NTN1: variants seen among roughly 807,000 people sequenced by gnomAD.
NTN1 encodes the protein netrin-1.
In NTN1, 11 loss-of-function variants were observed where a neutral mutation model predicts 54.2. That is an observed-to-expected ratio of 0.20 (90% CI 0.13 to 0.34). The LOEUF (loss-of-function observed/expected upper bound fraction) is 0.34. NTN1 is among the 10% of genes least tolerant of loss of function. The pLI is 1.00. For synonymous variants in NTN1, 371 were observed against 382.0 expected (o/e 0.97, Z 0.33); for missense variants, 740 against 893.1 (o/e 0.83, Z 2.18).
chr17:9,184,708 T>C (rs1331101463), intron 5 of NTN1, among the ~76,000 whole-genome samples: 2 of 152,246 alleles, frequency 1.3e-5, no homozygotes, highest in Non-Finnish European at 2.9e-5. Flanking sequence ...AGCTTGACTT[T>C]GAGTTTCTCA....
intron 2 of NTN1, among the ~76,000 whole-genome samples, chr17:9,092,319 C>CTTTTTT (rs148786553): frequency 2.8e-4 from 26 of 91,752 alleles, no homozygotes; most frequent in African/African-American, 4.4e-4. Context: ...CTTTTCTTCT[C>CTTTTTT]TTTTTTTTTT....
At chr17:9,137,003 G>A (rs953088828) in intron 2 of NTN1, among the ~76,000 whole-genome samples, 2 of 152,172 alleles carry the variant, frequency 1.3e-5, no homozygotes, top group African/African-American at 4.8e-5. Flanking sequence ...CCTCTCTCAG[G>A]ATTCCTGGTG....
chr17:9,199,771 G>T (rs1170944559), intron 5 of NTN1, among the ~76,000 whole-genome samples: 1 of 152,234 alleles, frequency 6.6e-6, no homozygotes, highest in East Asian at 1.9e-4. Context: ...ATGGAGTAGT[G>T]TTTGGTAACA....
At chr17:9,056,767 G>A (rs910006639) in intron 2 of NTN1, among the ~76,000 whole-genome samples, 2 of 152,298 alleles carry the variant, frequency 1.3e-5, no homozygotes, top group African/African-American at 2.4e-5. Flanking sequence ...AGTGATGTGA[G>A]CACTTAACCC....
chr17:9,111,764 C>T (rs774016578), intron 2 of NTN1, among the ~76,000 whole-genome samples: 4 of 152,020 alleles, frequency 2.6e-5, no homozygotes, highest in Admixed American at 6.6e-5. Flanking sequence ...TTGGGAAAAT[C>T]GTAAAGAAAA....
At chr17:9,010,123 TG>T in the NTN1 span, among the ~76,000 whole-genome samples, 2 of 152,202 alleles carry the variant, frequency 1.3e-5, no homozygotes, top group African/African-American at 4.8e-5. Flanking sequence ...AGTGCATCCA[TG>T]TTCAGCAGTC....
At chr17:9,222,341 A>C (rs1173412964) in intron 6 of NTN1, among the ~76,000 whole-genome samples, 1 of 152,024 alleles carries the variant, frequency 6.6e-6, no homozygotes, top group Non-Finnish European at 1.5e-5. Flanking sequence ...CAGCCCCAGC[A>C]CCTCCTGGCC....
At chr17:9,065,176 A>T (rs1372333092) in intron 2 of NTN1, among the ~76,000 whole-genome samples, 1 of 152,156 alleles carries the variant, frequency 6.6e-6, no homozygotes, top group Non-Finnish European at 1.5e-5. Flanking sequence ...ACCTCAGGTG[A>T]TCTGCCTGCC....
chr17:9,111,729 G>T (rs62069344), intron 2 of NTN1, among the ~76,000 whole-genome samples: 16,089 of 152,044 alleles, frequency 0.11, 1,200 homozygotes, highest in African/African-American at 0.21. Context: ...TTACAATAAA[G>T]TAAACTAGAG....
chr17:9,162,961 C>A lies in NTN1; in HGVS notation c.1167C>A (p.Arg389=), dbSNP rs368406936. The A allele has an allele frequency of 1.9e-6, 3 of 1,613,440 alleles. No individual in the cohort carries two copies. The highest frequency in any genetic ancestry group is 1.3e-5 in the African/African-American group (1 of 75,060). Residue 389 remains arginine, a synonymous_variant, in exon 3 of 7, where the codon CGC becomes CGA. Transcript: ENST00000173229. ...HCHYCKEGYY[R]DMGKPITHRK... ...ATTACTGCAAGGAGGGCTACTACCG[C>A]GACATGGGCAAGCCCATCACCCACC...
At chr17:9,053,949 C>A (rs2091969261) in intron 2 of NTN1, among the ~76,000 whole-genome samples, 1 of 152,198 alleles carries the variant, frequency 6.6e-6, no homozygotes, top group Non-Finnish European at 1.5e-5. Context: ...CCCCCTCACT[C>A]AAGGACATGT....
intron 2 of NTN1, among the ~76,000 whole-genome samples, chr17:9,082,807 G>A (rs1158820897): frequency 3.3e-5 from 5 of 151,688 alleles, no homozygotes; most frequent in African/African-American, 1.2e-4. Flanking sequence ...ATGAAACATC[G>A]GGAGGATAAA....
At chr17:9,084,631 C>T (rs1438123087) in intron 2 of NTN1, among the ~76,000 whole-genome samples, 2 of 145,636 alleles carry the variant, frequency 1.4e-5, no homozygotes, top group African/African-American at 2.5e-5. Flanking sequence ...TCAGCTTTGG[C>T]TTTGTTCTTT....
chr17:9,128,252 G>A (rs1435317991), intron 2 of NTN1, among the ~76,000 whole-genome samples: 1 of 151,372 alleles, frequency 6.6e-6, no homozygotes, highest in Non-Finnish European at 1.5e-5. Context: ...GGAGGTTGCA[G>A]TGAGCTGAGA....
intron 6 of NTN1, among the ~76,000 whole-genome samples, chr17:9,222,827 C>T (rs1467107823): frequency 6.6e-6 from 1 of 152,160 alleles, no homozygotes; most frequent in Non-Finnish European, 1.5e-5. Context: ...AAATGAATGA[C>T]GAGGCCCAAA....
At chr17:9,069,772 C>T (rs568190711) in intron 2 of NTN1, among the ~76,000 whole-genome samples, 2 of 152,296 alleles carry the variant, frequency 1.3e-5, no homozygotes, top group South Asian at 4.2e-4. Context: ...TAGGATAAGG[C>T]TAGTGAGGTT....
intron 2 of NTN1, among the ~76,000 whole-genome samples, chr17:9,029,209 A>G (rs917990960): frequency 1.3e-5 from 2 of 152,024 alleles, no homozygotes; most frequent in African/African-American, 4.8e-5. Context: ...CTGAAGACAG[A>G]CCACAAACTC....
At chr17:9,099,432 C>T (rs2092142246) in intron 2 of NTN1, among the ~76,000 whole-genome samples, 1 of 152,152 alleles carries the variant, frequency 6.6e-6, no homozygotes, top group Non-Finnish European at 1.5e-5. Context: ...CATTGACTCT[C>T]ACTTTATGAA....
intron 5 of NTN1, among the ~76,000 whole-genome samples, chr17:9,210,316 GC>G (rs1234656682): frequency 6.6e-6 from 1 of 151,964 alleles, no homozygotes; most frequent in Non-Finnish European, 1.5e-5. Flanking sequence ...GCTGTCTACA[GC>G]CACCCTGGCT....
Sources: gnomAD v4.1 joint callset for allele counts (sites outside exome capture counted in the v4.1 genomes callset) on GRCh38, gnomAD v4.1.1 for gene constraint, MANE v1.5 for transcripts, NCBI Gene and HGNC (gene_info 2026-07-23, HGNC 2026-07-21) for gene names.